NCKAP5: variants seen among roughly 807,000 people sequenced by gnomAD.
NCKAP5 encodes NCK associated protein 5.
In NCKAP5, 92 loss-of-function variants were observed where a neutral mutation model predicts 167.0. The ratio of observed to expected loss-of-function variants is 0.55; its 90% confidence interval spans 0.47 to 0.66. NCKAP5 has a LOEUF of 0.66. NCKAP5 is among the 30% of genes least tolerant of loss of function. The pLI is 0.00. For synonymous variants in NCKAP5, 891 were observed against 877.4 expected (o/e 1.02, Z -0.27); for missense variants, 2,378 against 2,315.0 (o/e 1.03, Z -0.56).
chr2:133,323,319 G>A (rs756055916), intron 3 of NCKAP5, among the ~76,000 whole-genome samples: 13 of 152,146 alleles, frequency 8.5e-5, no homozygotes, highest in Non-Finnish European at 1.9e-4. Flanking sequence ...GCAAACATTA[G>A]TTCTATGGAT....
At chr2:133,036,961 G>A (rs2079059169) in intron 6 of NCKAP5, among the ~76,000 whole-genome samples, 1 of 151,996 alleles carries the variant, frequency 6.6e-6, no homozygotes, top group African/African-American at 2.4e-5. Flanking sequence ...GATAAATTCA[G>A]TAAAGTTGCA....
Position 133,227,006 on chromosome 2 carries a change from G to A in NCKAP5, c.144-13227C>T, listed in dbSNP as rs142542500. 2.7e-3 allele frequency among the ~76,000 whole-genome samples: 413 copies of A among 152,356 alleles called. 1 individual carries two copies. Among genetic ancestry groups the A allele is most frequent in the African/African-American group, 9.3e-3 (388 of 41,580 alleles). ...ATGGGTGCTCCAAGCAAAGTGTGAT[G>A]TATTTTGGGCAGAAGGAGTATTTGA... On this transcript the variant is annotated intron_variant, in intron 4 of 19. Transcript: ENST00000409261.
chr2:133,640,769 T>C, the NCKAP5 span, among the ~76,000 whole-genome samples: 14 of 152,206 alleles, frequency 9.2e-5, no homozygotes, highest in Non-Finnish European at 2.1e-4. Context: ...AATGAAAATC[T>C]CTTAAAGAAT....
At position 133,082,038 on chromosome 2, in the gene NCKAP5, C is replaced by T. The variant is rs564698217; in HGVS notation, c.341+47940G>A. Among the ~76,000 whole-genome samples, 28 of 152,198 alleles carry T rather than the reference C, an allele frequency of 1.8e-4. No individual in the cohort carries two copies. In the East Asian group the frequency reaches 5.4e-3, roughly 29 times the overall value. On this transcript the variant is annotated intron_variant, in intron 6 of 19. Coordinates refer to ENST00000409261, the MANE Select transcript of NCKAP5 (RefSeq NM_207363.3). ...TTTTTCGATCCTCTCCCTCCTCCCA[C>T]CCTCCACCCTCAAGTAGGCCCTGCT...
intron 16 of NCKAP5, among the ~76,000 whole-genome samples, chr2:132,760,853 C>T (rs1173349898): frequency 6.6e-6 from 1 of 152,138 alleles, no homozygotes; most frequent in African/African-American, 2.4e-5. Flanking sequence ...AAATACTAAC[C>T]TTCTGCCATT....
At position 133,116,262 on chromosome 2, in the gene NCKAP5, C is replaced by T. The variant is rs370321568; in HGVS notation, c.341+13716G>A. On this transcript the variant is annotated intron_variant, in intron 6 of 19. Coordinates refer to ENST00000409261, the MANE Select transcript of NCKAP5 (RefSeq NM_207363.3). ...CAGCACTTTGGGAGGCCGAGGCGGGCGGATCACGAGGTCAGGAGATCGAGA... is the reference window on the plus strand; with the variant it reads ...CAGCACTTTGGGAGGCCGAGGCGGGTGGATCACGAGGTCAGGAGATCGAGA... Among the ~76,000 whole-genome samples the T allele has an allele frequency of 4.9e-4, 42 of 85,760 alleles. 7 individuals carry two copies. Among genetic ancestry groups the T allele is most frequent in the Admixed American group, 9.9e-4 (8 of 8,096 alleles). The allele number at this position is 85,760 out of a possible 152,430, so 56.3% of individuals were successfully genotyped here.
intron 3 of NCKAP5, among the ~76,000 whole-genome samples, chr2:133,460,288 T>C (rs1692124833): frequency 1.3e-5 from 2 of 152,320 alleles, no homozygotes; most frequent in South Asian, 4.1e-4. Context: ...AATTCATCCA[T>C]TAATGAATTA....
chr2:133,607,550 G>A, the NCKAP5 span, among the ~76,000 whole-genome samples: 1 of 152,180 alleles, frequency 6.6e-6, no homozygotes, highest in African/African-American at 2.4e-5. Flanking sequence ...AGTGGTGGGA[G>A]TTGAAAGAGA....
chr2:133,154,582 A>G (rs533800198), intron 5 of NCKAP5, among the ~76,000 whole-genome samples: 1 of 152,232 alleles, frequency 6.6e-6, no homozygotes, highest in African/African-American at 2.4e-5. Flanking sequence ...TACCATGGCA[A>G]TAACACTTAA....
chr2:133,530,663 C>T (rs1204847468), intron 2 of NCKAP5, among the ~76,000 whole-genome samples: 1 of 152,154 alleles, frequency 6.6e-6, no homozygotes, highest in African/African-American at 2.4e-5. Flanking sequence ...AAGGATGGTG[C>T]TCATTTCTCC....
chr2:132,905,691 C>A (rs1693955092), intron 8 of NCKAP5, among the ~76,000 whole-genome samples: 1 of 152,054 alleles, frequency 6.6e-6, no homozygotes, highest in South Asian at 2.1e-4. Flanking sequence ...TATTTTATAA[C>A]CTTCATTATA....
chr2:133,368,652 T>C (rs1685602012), intron 3 of NCKAP5, among the ~76,000 whole-genome samples: 1 of 152,202 alleles, frequency 6.6e-6, no homozygotes, highest in Non-Finnish European at 1.5e-5. Flanking sequence ...AGGCTGCATT[T>C]TGAAATGAAG....
In NCKAP5 at chr2:133,132,180, C is replaced by T. The variant is rs145234309; in HGVS notation, c.208-2069G>A. 6.1e-3 allele frequency among the ~76,000 whole-genome samples: 927 copies of T among 151,280 alleles called. 3 individuals are homozygous for T. The highest frequency in any genetic ancestry group is 0.021 in the African/African-American group (865 of 41,186). ...GCGGGTGCCTATAATGCCAGCTACT[C>T]GGGAGGCTGAGGCAGTGAATTGCTT... On this transcript the variant is annotated intron_variant, in intron 5 of 19. Transcript: ENST00000409261.
At chr2:133,517,320 A>G in intron 3 of NCKAP5, 138 bp downstream of exon 3, 1 of 442,288 alleles carries the variant, frequency 2.3e-6, no homozygotes, top group Non-Finnish European at 3.9e-6. Flanking sequence ...AATAAATGAA[A>G]CAAAATCTCA....
chr2:133,319,651 G>A (rs1032677079), intron 3 of NCKAP5, among the ~76,000 whole-genome samples: 1 of 152,130 alleles, frequency 6.6e-6, no homozygotes, highest in African/African-American at 2.4e-5. Flanking sequence ...TCACTTACCA[G>A]TGGATAGTAA....
Position 133,488,019 on chromosome 2 carries a change from G to T in NCKAP5, c.69+29439C>A, listed in dbSNP as rs75009389. ...GAACTGCATTTTCACTTTATTGAGG[G>T]TTTGATCTGTGACCTTTGGTATATA... On this transcript the variant is annotated intron_variant, in intron 3 of 19. Coordinates refer to ENST00000409261, the MANE Select transcript of NCKAP5 (RefSeq NM_207363.3). Among the ~76,000 whole-genome samples, 362 of 152,238 alleles carry T rather than the reference G, an allele frequency of 2.4e-3. 9 individuals carry two copies. In the East Asian group the frequency reaches 0.041, roughly 17 times the overall value.
rs542367800 is a variant in NCKAP5 at position 133,529,216 on chromosome 2, AT to A, written c.-61-11630del. ...AAGATATAAGCTATAACAAATGTAT[AT>A]AGAGTATAATATGAAAATTGTATAC... is the stretch of plus-strand genomic sequence containing the variant. On this transcript the variant is annotated intron_variant, in intron 2 of 19. Coordinates refer to ENST00000409261, the MANE Select transcript of NCKAP5 (RefSeq NM_207363.3). 1.9e-3 allele frequency among the ~76,000 whole-genome samples: 286 copies of A among 152,340 alleles called. 2 individuals carry two copies. Among genetic ancestry groups the A allele is most frequent in the African/African-American group, 6.5e-3 (269 of 41,576 alleles).
At chr2:133,308,334 C>T (rs1156914452) in intron 3 of NCKAP5, among the ~76,000 whole-genome samples, 9 of 151,856 alleles carry the variant, frequency 5.9e-5, no homozygotes, top group African/African-American at 1.2e-4. Flanking sequence ...GTGATCCGCC[C>T]GCCTCGGCCT....
chr2:133,177,183 T>TATATATACAC (rs3051216), intron 5 of NCKAP5, among the ~76,000 whole-genome samples: 23 of 142,680 alleles, frequency 1.6e-4, no homozygotes, highest in Admixed American at 5.0e-4. Flanking sequence ...TATATATATA[T>TATATATACAC]ATATACTCAA....
Sources: gnomAD v4.1 joint callset for allele counts (sites outside exome capture counted in the v4.1 genomes callset) on GRCh38, gnomAD v4.1.1 for gene constraint, MANE v1.5 for transcripts, NCBI Gene and HGNC (gene_info 2026-07-23, HGNC 2026-07-21) for gene names.